Variants in ABCG2 observed in about 807,000 individuals in gnomAD.
ABCG2 encodes the protein ATP binding cassette subfamily G member 2 (JR blood group).
ABCG2 carries 80 observed loss-of-function variants against 73.5 expected under a neutral mutation model. The ratio of observed to expected loss-of-function variants is 1.09; its 90% CI spans 0.91 to 1.31. The LOEUF is 1.31. Among genes scored for constraint, ABCG2 ranks in the 50% most tolerant of loss-of-function variants. The probability of loss-of-function intolerance (pLI) is 0.00; values close to 1 mark genes in which losing one functional copy is unlikely to be tolerated. For synonymous variants in ABCG2, 269 were observed against 282.4 expected (o/e 0.95, Z 0.48); for missense variants, 796 against 786.2 (o/e 1.01, Z -0.15).
intron 10 of ABCG2, among the ~76,000 whole-genome samples, chr4:88,106,637 T>A (rs554035335): frequency 5.9e-5 from 9 of 152,332 alleles, no homozygotes; most frequent in African/African-American, 2.2e-4. Context: ...AAGTTATTGC[T>A]TAATGGGTAC....
chr4:88,169,877 G>A (rs964580128), intron 1 of ABCG2, among the ~76,000 whole-genome samples: 1 of 152,028 alleles, frequency 6.6e-6, no homozygotes, highest in Non-Finnish European at 1.5e-5. Flanking sequence ...TTGAGAGGCC[G>A]AGGTGGGTGG....
chr4:88,100,931 G>A (rs925379253), intron 11 of ABCG2, among the ~76,000 whole-genome samples: 14 of 152,176 alleles, frequency 9.2e-5, no homozygotes, highest in African/African-American at 3.4e-4. Flanking sequence ...TTTTCTGACT[G>A]TACTCAAATC....
At chr4:88,193,002 C>A (rs1251006935) in intron 1 of ABCG2, among the ~76,000 whole-genome samples, 7 of 152,086 alleles carry the variant, frequency 4.6e-5, no homozygotes, top group African/African-American at 1.7e-4. Context: ...CGTGAGCCAC[C>A]GTGCCCAGCC....
chr4:88,131,941 G>T, intron 3 of ABCG2, 24 bp from the exon 4 acceptor site: 1 of 1,553,602 alleles, frequency 6.4e-7, no homozygotes, highest in Admixed American at 1.7e-5. Flanking sequence ...TATATGTTGT[G>T]GGTCTAATAA....
chr4:88,186,363 C>A (rs1267621956), intron 1 of ABCG2, among the ~76,000 whole-genome samples: 1 of 152,160 alleles, frequency 6.6e-6, no homozygotes, highest in Non-Finnish European at 1.5e-5. Flanking sequence ...GGGCCAGGCG[C>A]AGTGGCTTAT....
intron 2 of ABCG2, among the ~76,000 whole-genome samples, chr4:88,133,700 G>A (rs565092242): frequency 2.6e-5 from 4 of 152,244 alleles, no homozygotes; most frequent in South Asian, 2.1e-4. Flanking sequence ...TGAAGGAACT[G>A]GAGAAAGGAG....
chr4:88,092,014 C>T lies in ABCG2; in HGVS notation c.*220G>A. On this transcript the variant is annotated 3_prime_UTR_variant, in exon 16 of 16. Coordinates refer to ENST00000237612, the MANE Select transcript of ABCG2 (RefSeq NM_004827.3). ...CAGATTTCTTCCCCATGGTTACTGT[C>T]TGAGGAGATTAACTAATATGCGATA... The T allele has an allele frequency of 2.3e-6, 1 of 439,058 alleles. No individual in the cohort carries two copies. Among genetic ancestry groups the T allele is most frequent in the South Asian group, 3.9e-5 (1 of 25,736 alleles). 27.2% of individuals were successfully genotyped at this position (439,058 alleles called of 1,614,324 possible).
intron 1 of ABCG2, among the ~76,000 whole-genome samples, chr4:88,169,747 C>A (rs1489694300): frequency 6.6e-6 from 1 of 152,072 alleles, no homozygotes. Context: ...TGTCATCTAA[C>A]CCCTCATTAA....
chr4:88,120,125 G>A (rs1313656493), intron 6 of ABCG2, among the ~76,000 whole-genome samples: 1 of 152,174 alleles, frequency 6.6e-6, no homozygotes, highest in East Asian at 1.9e-4. Flanking sequence ...TGGTTAAAGG[G>A]GACCAACAGA....
chr4:88,158,724 A>C, upstream of ABCG2: 1 of 426,038 alleles, frequency 2.3e-6, no homozygotes, highest in African/African-American at 2.1e-5. Flanking sequence ...CCCCAACCAC[A>C]CCCGGCGCGC....
intron 6 of ABCG2, 21 bp downstream of exon 6, chr4:88,121,614 T>C: frequency 1.9e-6 from 3 of 1,610,420 alleles, no homozygotes; most frequent in Non-Finnish European, 2.5e-6. Context: ...AACTAAAGAA[T>C]AATGTTTCCA....
intron 1 of ABCG2, among the ~76,000 whole-genome samples, chr4:88,155,625 C>T (rs925472489): frequency 6.6e-6 from 1 of 152,196 alleles, no homozygotes; most frequent in African/African-American, 2.4e-5. Context: ...TAACTCTAGG[C>T]CGGGCACGGT....
chr4:88,173,276 T>A (rs778732104), intron 1 of ABCG2, among the ~76,000 whole-genome samples: 6 of 152,222 alleles, frequency 3.9e-5, no homozygotes, highest in Non-Finnish European at 8.8e-5. Context: ...CTTTTTTCCC[T>A]CTTTCCCACA....
At chr4:88,150,864 G>C (rs1726427161) in intron 1 of ABCG2, among the ~76,000 whole-genome samples, 1 of 152,156 alleles carries the variant, frequency 6.6e-6, no homozygotes, top group African/African-American at 2.4e-5. Context: ...TGAGGACACT[G>C]TCCTGCACCC....
At chr4:88,097,127 C>T (rs138608751) in intron 13 of ABCG2, among the ~76,000 whole-genome samples, 7 of 152,128 alleles carry the variant, frequency 4.6e-5, no homozygotes, top group Admixed American at 1.3e-4. Flanking sequence ...GAGAATCTGC[C>T]GATCAAATGT....
chr4:88,097,332 A>T, intron 13 of ABCG2, 121 bp downstream of exon 13: 2 of 1,134,080 alleles, frequency 1.8e-6, no homozygotes, highest in Non-Finnish European at 2.5e-6. Context: ...AGATGGCCTT[A>T]AGTAAAGCAG....
At chr4:88,134,045 G>A (rs558558096) in intron 2 of ABCG2, among the ~76,000 whole-genome samples, 1 of 151,642 alleles carries the variant, frequency 6.6e-6, no homozygotes, top group Non-Finnish European at 1.5e-5. Context: ...GGTGGGGCCT[G>A]GCTTGTTCCT....
At chr4:88,152,493 G>A (rs1726570262) in intron 1 of ABCG2, among the ~76,000 whole-genome samples, 1 of 152,090 alleles carries the variant, frequency 6.6e-6, no homozygotes, top group African/African-American at 2.4e-5. Flanking sequence ...AAGGGGGTTT[G>A]TTCTCTGGTG....
intron 1 of ABCG2, among the ~76,000 whole-genome samples, chr4:88,147,325 T>C (rs1726128362): frequency 6.6e-6 from 1 of 152,134 alleles, no homozygotes; most frequent in Non-Finnish European, 1.5e-5. Context: ...TCTAGCAATA[T>C]ATACCAGTAT....
Sources: allele counts gnomAD v4.1 joint callset (sites outside exome capture counted in the v4.1 genomes callset), GRCh38; gene constraint gnomAD v4.1.1; transcripts MANE v1.5; gene names NCBI Gene and HGNC (gene_info 2026-07-23, HGNC 2026-07-21).